Variants in REPS2 observed in about 807,000 individuals in gnomAD.
The protein encoded by REPS2 is ralBP1-associated Eps domain-containing protein 2.
A neutral mutation model predicts 53.6 loss-of-function variants in REPS2; 23 were observed. The ratio of observed to expected loss-of-function variants is 0.43; its 90% CI spans 0.31 to 0.61. The LOEUF is 0.61. REPS2 is among the 20% of genes least tolerant of loss of function. REPS2 has a pLI of 0.11. For synonymous variants in REPS2, 238 were observed against 218.6 expected (o/e 1.09, Z -0.78); for missense variants, 446 against 534.9 (o/e 0.83, Z 1.64).
intron 14 of REPS2, among the ~76,000 whole-genome samples, chrX:17,127,824 A>G (rs1358007644): frequency 1.8e-5 from 2 of 111,869 alleles, no homozygotes; most frequent in African/African-American, 6.5e-5. Context: ...TCGGGGTTAC[A>G]TCCTCTCATG....
At chrX:17,071,605 C>T (rs1343437485) in intron 11 of REPS2, among the ~76,000 whole-genome samples, 1 of 111,449 alleles carries the variant, frequency 9.0e-6, no homozygotes, top group Non-Finnish European at 1.9e-5. Flanking sequence ...TGAGGGAGTT[C>T]CTCATCTTAA....
At chrX:17,062,652 C>T in intron 9 of REPS2, 120 bp downstream of exon 9, 2 of 457,421 alleles carry the variant, frequency 4.4e-6, no homozygotes, top group Non-Finnish European at 7.2e-6. Flanking sequence ...GCTTTTATAA[C>T]ATTTCCTTTT....
At chrX:17,106,008 G>A (rs1266903625) in intron 14 of REPS2, among the ~76,000 whole-genome samples, 1 of 111,965 alleles carries the variant, frequency 8.9e-6, no homozygotes, top group Non-Finnish European at 1.9e-5. Context: ...CCCTCTGGGA[G>A]AGTCGCTGTG....
the REPS2 span, among the ~76,000 whole-genome samples, chrX:17,172,532 G>A: frequency 1.8e-5 from 2 of 111,873 alleles, no homozygotes; most frequent in Non-Finnish European, 3.8e-5. Flanking sequence ...AGAACCATGA[G>A]CCAATTAAAC....
At chrX:17,032,689 A>G (rs1265706380) in intron 5 of REPS2, among the ~76,000 whole-genome samples, 1 of 111,824 alleles carries the variant, frequency 8.9e-6, no homozygotes, top group Non-Finnish European at 1.9e-5. Context: ...CTGGCCTTGT[A>G]TTCAAGTTCT....
At chrX:17,097,738 G>A (rs2062724192) in intron 13 of REPS2, among the ~76,000 whole-genome samples, 1 of 111,639 alleles carries the variant, frequency 9.0e-6, no homozygotes, top group Admixed American at 9.5e-5. Flanking sequence ...AATTACACAT[G>A]CAGAGATTAA....
At chrX:17,057,855 C>G (rs773807304) in intron 8 of REPS2, among the ~76,000 whole-genome samples, 2 of 112,821 alleles carry the variant, frequency 1.8e-5, no homozygotes, top group South Asian at 7.3e-4. Context: ...AGCCCCTTTT[C>G]TTGGGATTGG....
chrX:17,061,854 C>T (rs189983347), intron 8 of REPS2, among the ~76,000 whole-genome samples: 1 of 112,186 alleles, frequency 8.9e-6, no homozygotes, highest in East Asian at 2.8e-4. Context: ...TGAAAGAAAC[C>T]CTTAATGTGA....
chrX:17,072,511 C>T (rs1044595859), intron 11 of REPS2, among the ~76,000 whole-genome samples: 2 of 111,986 alleles, frequency 1.8e-5, no homozygotes, highest in Non-Finnish European at 3.8e-5. Context: ...GCAGGGCTCA[C>T]CCCTCCTTCC....
intron 1 of REPS2, among the ~76,000 whole-genome samples, chrX:16,977,593 G>A (rs1174698435): frequency 2.8e-5 from 3 of 108,931 alleles, no homozygotes; most frequent in Non-Finnish European, 3.8e-5. Flanking sequence ...GTATACTCCT[G>A]TAGTCCCAGC....
At chrX:17,076,917 C>A (rs1425878542) in intron 12 of REPS2, among the ~76,000 whole-genome samples, 1 of 112,011 alleles carries the variant, frequency 8.9e-6, no homozygotes, top group Admixed American at 9.5e-5. Flanking sequence ...CCATGAAATA[C>A]CATGAAGCCC....
the REPS2 span, among the ~76,000 whole-genome samples, chrX:17,175,570 T>C: frequency 8.9e-6 from 1 of 112,068 alleles, no homozygotes; most frequent in South Asian, 3.7e-4. Flanking sequence ...CTCATTAGGG[T>C]TGTTGCCATC....
chrX:17,137,094 T>C (rs1422121840), intron 16 of REPS2: 4 of 112,445 alleles, frequency 3.6e-5, no homozygotes, highest in African/African-American at 1.3e-4. Flanking sequence ...AATGCCACTA[T>C]ACTGTTTGTG....
intron 2 of REPS2, among the ~76,000 whole-genome samples, chrX:17,013,042 A>G (rs2061448790): frequency 8.9e-6 from 1 of 112,217 alleles, no homozygotes; most frequent in South Asian, 3.7e-4. Flanking sequence ...GTTGTTCTCC[A>G]CCTAGGTGAT....
At chrX:17,086,388 C>T (rs1457869768) in intron 13 of REPS2, among the ~76,000 whole-genome samples, 6 of 112,411 alleles carry the variant, frequency 5.3e-5, no homozygotes, top group Non-Finnish European at 1.1e-4. Context: ...ATCCCAGCGA[C>T]CTTTCAAATA....
chrX:16,959,584 A>G (rs2060636489), intron 1 of REPS2, among the ~76,000 whole-genome samples: 1 of 111,541 alleles, frequency 9.0e-6, no homozygotes, highest in Admixed American at 9.6e-5. Flanking sequence ...GTGCTTTATA[A>G]TGTTTGGGGG....
At chrX:17,018,620 T>C (rs1469797022) in intron 2 of REPS2, among the ~76,000 whole-genome samples, 1 of 104,585 alleles carries the variant, frequency 9.6e-6, no homozygotes, top group African/African-American at 3.5e-5. Flanking sequence ...TTTTTTTTAA[T>C]GTGGCTCACA....
chrX:16,994,522 G>C (rs183355971), intron 1 of REPS2, among the ~76,000 whole-genome samples: 211 of 111,381 alleles, frequency 1.9e-3, no homozygotes, highest in Non-Finnish European at 2.6e-3. Flanking sequence ...CAACAACGTG[G>C]ATGGAGTTGG....
chrX:17,065,589 G>T (rs982673584), intron 9 of REPS2, among the ~76,000 whole-genome samples: 7 of 111,050 alleles, frequency 6.3e-5, no homozygotes, highest in Admixed American at 1.9e-4. Flanking sequence ...TTGTTTTTTT[G>T]TTTTGTTTTG....
Sources: gnomAD v4.1 joint callset for allele counts (sites outside exome capture counted in the v4.1 genomes callset) on GRCh38, gnomAD v4.1.1 for gene constraint, MANE v1.5 for transcripts, NCBI Gene and HGNC (gene_info 2026-07-23, HGNC 2026-07-21) for gene names.